PRDM16: variants seen among roughly 807,000 people sequenced by gnomAD.
The protein encoded by PRDM16 is PR/SET domain 16.
PRDM16 carries 23 observed loss-of-function variants against 110.6 expected under a neutral mutation model. The observed-to-expected ratio is 0.21, with a 90% confidence interval of 0.15 to 0.29. The LOEUF (loss-of-function observed/expected upper bound fraction) is 0.29, where lower values mean the gene tolerates loss of function less well. PRDM16 is among the 10% of genes least tolerant of loss of function. The pLI is 1.00. For missense variants in PRDM16, 1,615 were observed against 1,794.3 expected (o/e 0.90, Z 1.81); for synonymous variants, 799 against 781.8 (o/e 1.02, Z -0.37).
intron 3 of PRDM16, among the ~76,000 whole-genome samples, chr1:3,334,408 C>G (rs1027821508): frequency 1.3e-4 from 20 of 152,202 alleles, no homozygotes; most frequent in African/African-American, 4.3e-4. Flanking sequence ...CCCACCCCCC[C>G]ACATTCTCTG....
chr1:3,096,185 C>T (rs1382152004), intron 1 of PRDM16, among the ~76,000 whole-genome samples: 1 of 152,152 alleles, frequency 6.6e-6, no homozygotes, highest in Non-Finnish European at 1.5e-5. Flanking sequence ...TGGGCAGGAA[C>T]CTCGGCTTTC....
chr1:3,168,971 G>A (rs757980847), intron 1 of PRDM16, among the ~76,000 whole-genome samples: 1 of 152,206 alleles, frequency 6.6e-6, no homozygotes, highest in Non-Finnish European at 1.5e-5. Context: ...GCAGGTTCAG[G>A]ACCAGTGCAA....
intron 3 of PRDM16, among the ~76,000 whole-genome samples, chr1:3,259,294 G>C (rs1049352580): frequency 2.5e-4 from 38 of 152,334 alleles, no homozygotes; most frequent in African/African-American, 8.4e-4. Flanking sequence ...CTGCAGCTGG[G>C]GCTGGGGAGA....
chr1:3,118,018 A>G (rs112754464), intron 1 of PRDM16, among the ~76,000 whole-genome samples: 3 of 149,190 alleles, frequency 2.0e-5, no homozygotes, highest in East Asian at 2.0e-4. Context: ...GCGTGTGTGC[A>G]TGTGTACATG....
intron 2 of PRDM16, among the ~76,000 whole-genome samples, chr1:3,198,785 G>A (rs749483288): frequency 1.3e-5 from 2 of 152,226 alleles, no homozygotes; most frequent in South Asian, 4.1e-4. Flanking sequence ...AGTCGGCAGA[G>A]TTCCTTCCTT....
intron 4 of PRDM16, among the ~76,000 whole-genome samples, chr1:3,385,554 G>A (rs887816254): frequency 1.3e-5 from 2 of 152,218 alleles, no homozygotes; most frequent in Non-Finnish European, 2.9e-5. Context: ...TGGTGGTTCA[G>A]GTGGAAAAGA....
In PRDM16 at chr1:3,190,626, G is replaced by C. The variant is rs1638279560; in HGVS notation, c.387+4152G>C. Among the ~76,000 whole-genome samples, 1 of 152,106 alleles carries C rather than the reference G, an allele frequency of 6.6e-6. No homozygotes were observed. On this transcript the variant is annotated intron_variant, in intron 2 of 16. Transcript: ENST00000270722. The surrounding 1 kb of genome is among the most constrained non-coding windows in gnomAD (Gnocchi z 5.0). ...GGCCCCCTGGGCTTCATCTCAGGGAGGGGGCTTGTCAGGAAGTGCACCCGA... is the reference window on the plus strand; with the variant it reads ...GGCCCCCTGGGCTTCATCTCAGGGACGGGGCTTGTCAGGAAGTGCACCCGA...
Position 3,206,750 on chromosome 1 carries a change from G to C in PRDM16, c.387+20276G>C, listed in dbSNP as rs1638761515. The C allele has an allele frequency of 6.6e-6, 1 of 152,230 alleles. No homozygotes were observed. Among genetic ancestry groups the C allele is most frequent in the Non-Finnish European group, 1.5e-5 (1 of 68,078 alleles). 9.4% of individuals were successfully genotyped at this position (152,230 alleles called of 1,614,324 possible). The stretch of plus-strand genomic sequence containing the variant: ...CAGAGCGAGGCTGGCATGACAAAGA[G>C]TGAGCCACCCCATGAAATGGGCCCG... On this transcript the variant is annotated intron_variant, in intron 2 of 16. Coordinates refer to ENST00000270722, the MANE Select transcript of PRDM16 (RefSeq NM_022114.4). This position sits in a 1 kb window ranked among gnomAD's most constrained non-coding sequence, Gnocchi z 4.9.
chr1:3,209,373 A>G lies in PRDM16; in HGVS notation c.387+22899A>G, dbSNP rs1183586348. ...TCCGACGTGGCCGGTCCCGACTGGC[A>G]CACCTGCCCCGAGTCACCTGGGACG... On this transcript the variant is annotated intron_variant, in intron 2 of 16. Coordinates refer to ENST00000270722, the MANE Select transcript of PRDM16 (RefSeq NM_022114.4). This position sits in a 1 kb window ranked among gnomAD's most constrained non-coding sequence, Gnocchi z 4.6. 6.6e-6 allele frequency among the ~76,000 whole-genome samples: 1 copy of G among 152,124 alleles called. No individual in the cohort carries two copies. Among genetic ancestry groups the G allele is most frequent in the Non-Finnish European group, 1.5e-5 (1 of 68,012 alleles).
At chr1:3,138,659 T>C (rs1248490131) in intron 1 of PRDM16, among the ~76,000 whole-genome samples, 2 of 152,192 alleles carry the variant, frequency 1.3e-5, no homozygotes, top group African/African-American at 4.8e-5. Context: ...CTGAATATGG[T>C]ACCAGCACCT....
intron 1 of PRDM16, among the ~76,000 whole-genome samples, chr1:3,093,514 G>C (rs1274992710): frequency 1.3e-5 from 2 of 151,432 alleles, no homozygotes; most frequent in East Asian, 1.9e-4. Flanking sequence ...AAATGCCACA[G>C]GTTGTGTGCT....
At chr1:3,403,148 A>C in intron 6 of PRDM16, 150 bp downstream of exon 6, 1 of 757,152 alleles carries the variant, frequency 1.3e-6, no homozygotes, top group Non-Finnish European at 2.2e-6. Context: ...CTGGTGGGAC[A>C]CACCCTGGGG....
intron 3 of PRDM16, among the ~76,000 whole-genome samples, chr1:3,282,123 T>C (rs1301903580): frequency 6.6e-6 from 1 of 152,220 alleles, no homozygotes; most frequent in African/African-American, 2.4e-5. Context: ...GCTTTGGGCT[T>C]GCACATGAAA....
At chr1:3,413,075 C>T (rs1643720699) in intron 9 of PRDM16, among the ~76,000 whole-genome samples, 1 of 152,102 alleles carries the variant, frequency 6.6e-6, no homozygotes, top group African/African-American at 2.4e-5. Context: ...GCACCGATGA[C>T]CACTCAGACA....
intron 1 of PRDM16, among the ~76,000 whole-genome samples, chr1:3,093,178 G>T (rs929645285): frequency 4.6e-5 from 7 of 152,174 alleles, no homozygotes; most frequent in African/African-American, 1.7e-4. Context: ...CAAATCTCTT[G>T]AAGGGCCCAG....
chr1:3,202,818 C>T (rs1182994308), intron 2 of PRDM16, among the ~76,000 whole-genome samples: 3 of 152,164 alleles, frequency 2.0e-5, no homozygotes, highest in Non-Finnish European at 4.4e-5. Flanking sequence ...GGCCTCTGGG[C>T]CTCAGTTTCC....
chr1:3,141,686 C>T (rs1438556597), intron 1 of PRDM16, among the ~76,000 whole-genome samples: 5 of 152,194 alleles, frequency 3.3e-5, no homozygotes, highest in Admixed American at 2.6e-4. Flanking sequence ...GGAGATGATA[C>T]ATTTTGTGGA....
Position 3,434,002 on chromosome 1 carries a change from C to T in PRDM16, c.*191C>T. 1 of 603,688 alleles carries T rather than the reference C, an allele frequency of 1.7e-6. No homozygotes were observed. Among genetic ancestry groups the T allele is most frequent in the South Asian group, 2.1e-5 (1 of 48,688 alleles). 37.4% of individuals were successfully genotyped at this position (603,688 alleles called of 1,614,324 possible). ...AAAGTCCCTAAAGCAGTCGTAGAGT[C>T]TCACCATCTCCAAGGATTGGTCTTG... On this transcript the variant is annotated 3_prime_UTR_variant, in exon 17 of 17. Coordinates refer to ENST00000270722, the MANE Select transcript of PRDM16 (RefSeq NM_022114.4).
intron 3 of PRDM16, among the ~76,000 whole-genome samples, chr1:3,280,014 G>C (rs1056801144): frequency 2.0e-5 from 3 of 151,578 alleles, no homozygotes; most frequent in Non-Finnish European, 4.4e-5. Context: ...TTCCAATCAC[G>C]ATAATGCCAT....
Sources: gnomAD v4.1 joint callset for allele counts (sites outside exome capture counted in the v4.1 genomes callset) on GRCh38, gnomAD v4.1.1 for gene constraint, Gnocchi (gnomAD v3.1) non-coding constraint, MANE v1.5 for transcripts, NCBI Gene and HGNC (gene_info 2026-07-23, HGNC 2026-07-21) for gene names.